Variants in TAFA5 observed in about 807,000 individuals in gnomAD.
The protein encoded by TAFA5 is chemokine-like protein TAFA-5.
A neutral mutation model predicts 15.3 loss-of-function variants in TAFA5; 6 were observed. The observed-to-expected ratio is 0.39, with a 90% CI of 0.21 to 0.77. The LOEUF is 0.77. Among genes scored for constraint, TAFA5 ranks in the 30% least tolerant of loss-of-function variants. The pLI, the probability that TAFA5 is intolerant of heterozygous loss-of-function variation, is 0.41. For synonymous variants in TAFA5, 103 were observed against 80.7 expected, an observed-to-expected ratio of 1.28 and a Z score of -1.48; for missense variants, 161 against 193.1, an observed-to-expected ratio of 0.83 and a Z score of 0.98.
rs554918708 is a variant in TAFA5, at chr22:48,640,534, G to A, written c.113-6063G>A. ...TCCCTTTTTGGCTTAGACACAGCCA[G>A]CTGGGTGGGCAGGGCAGGGCAGGGC... is the stretch of plus-strand genomic sequence containing the variant. On this transcript the variant is annotated intron_variant, in intron 1 of 3. Coordinates refer to ENST00000402357, the MANE Select transcript of TAFA5 (RefSeq NM_001082967.3). Among the ~76,000 whole-genome samples, 27 of 151,392 alleles carry A rather than the reference G, an allele frequency of 1.8e-4. 1 individual carries two copies. In the South Asian group the frequency reaches 3.3e-3, roughly 19 times the overall value.
intron 1 of TAFA5, among the ~76,000 whole-genome samples, chr22:48,606,711 G>T (rs959075319): frequency 6.6e-6 from 1 of 152,198 alleles, no homozygotes; most frequent in East Asian, 1.9e-4. Context: ...CTGGATTAGC[G>T]ATCGCTGCTT....
intron 1 of TAFA5, among the ~76,000 whole-genome samples, chr22:48,524,715 T>G (rs183151568): frequency 5.9e-4 from 90 of 152,216 alleles, no homozygotes; most frequent in Non-Finnish European, 1.0e-3. Context: ...AGCTTGTGGG[T>G]GAGACCCTGC....
intron 1 of TAFA5, among the ~76,000 whole-genome samples, chr22:48,494,929 G>A (rs1170891753): frequency 1.3e-5 from 2 of 152,202 alleles, no homozygotes; most frequent in East Asian, 1.9e-4. Flanking sequence ...GGCAGGAATC[G>A]GGTGTGGAAT....
intron 1 of TAFA5, among the ~76,000 whole-genome samples, chr22:48,610,865 G>C (rs1214315130): frequency 6.6e-6 from 1 of 152,130 alleles, no homozygotes; most frequent in Non-Finnish European, 1.5e-5. Context: ...TGGGACACGA[G>C]AGGCATCGGG....
intron 1 of TAFA5, among the ~76,000 whole-genome samples, chr22:48,515,562 G>T (rs559732628): frequency 2.4e-4 from 36 of 152,216 alleles, no homozygotes; most frequent in African/African-American, 8.4e-4. Context: ...CTGCTCGTCT[G>T]CTCTCCCTTG....
At chr22:48,646,792 GTCA>G in intron 2 of TAFA5, 46 bp downstream of exon 2, 1 of 1,522,526 alleles carries the variant, frequency 6.6e-7, no homozygotes, top group Non-Finnish European at 8.8e-7. Flanking sequence ...TGAGCGCGGC[GTCA>G]CCAAAGGTGC....
intron 1 of TAFA5, among the ~76,000 whole-genome samples, chr22:48,603,856 C>T (rs900562467): frequency 6.6e-6 from 1 of 152,062 alleles, no homozygotes; most frequent in Non-Finnish European, 1.5e-5. Context: ...GGCTGGAGGA[C>T]CCTGGCTCCC....
intron 1 of TAFA5, among the ~76,000 whole-genome samples, chr22:48,592,085 G>A (rs1465571184): frequency 1.3e-5 from 2 of 152,204 alleles, no homozygotes; most frequent in East Asian, 3.9e-4. Context: ...CGAGGCTGGT[G>A]GGGCCAGCCT....
intron 1 of TAFA5, among the ~76,000 whole-genome samples, chr22:48,632,288 G>A (rs1190692790): frequency 2.6e-5 from 4 of 152,250 alleles, no homozygotes; most frequent in South Asian, 2.1e-4. Flanking sequence ...GTCCAGAGAT[G>A]GACGGGTGTT....
chr22:48,576,742 G>A (rs1923823713), intron 1 of TAFA5, among the ~76,000 whole-genome samples: 1 of 151,336 alleles, frequency 6.6e-6, no homozygotes, highest in Non-Finnish European at 1.5e-5. Context: ...CCAGGAGCCC[G>A]ACCCCCCGCG....
Position 48,665,874 on chromosome 22 carries a change from G to A in TAFA5, c.262+19128G>A, listed in dbSNP as rs995572413. Among the ~76,000 whole-genome samples, 5 of 151,680 alleles carry A rather than the reference G, an allele frequency of 3.3e-5. No homozygotes were observed. The East Asian group carries it at 5.8e-4, about 18-fold the overall frequency. ...TCTCTGTTTTCCTTTTCCCTGGGCC[G>A]CCTGCTTGAACATCGCAGGGTGGGA... On this transcript the variant is annotated intron_variant, in intron 2 of 3. Coordinates refer to ENST00000402357, the MANE Select transcript of TAFA5 (RefSeq NM_001082967.3).
At chr22:48,673,642 G>C (rs1927872628) in intron 2 of TAFA5, among the ~76,000 whole-genome samples, 1 of 152,194 alleles carries the variant, frequency 6.6e-6, no homozygotes, top group Admixed American at 6.5e-5. Context: ...TGTGTGTAGG[G>C]CTTGGATGTC....
Position 48,749,951 on chromosome 22 carries a change from C to A in TAFA5, c.*104C>A, listed in dbSNP as rs867132009. The A allele has an allele frequency of 8.1e-6, 9 of 1,107,562 alleles. No individual in the cohort carries two copies. Among genetic ancestry groups the A allele is most frequent in the Admixed American group, 6.0e-5 (3 of 49,872 alleles). The allele number at this position is 1,107,562 out of a possible 1,614,324, so 68.6% of individuals were successfully genotyped here. A position where few individuals can be genotyped will look rare whatever the true frequency, so the allele number is the denominator to read the frequency against. ...GCCTCGGACTTCACCCGTTCTCTGCCGCCCGCCCACTCCGTTTCCCTGTGG... is the reference window on the plus strand; with the variant it reads ...GCCTCGGACTTCACCCGTTCTCTGCAGCCCGCCCACTCCGTTTCCCTGTGG... On this transcript the variant is annotated 3_prime_UTR_variant, in exon 4 of 4. Coordinates refer to ENST00000402357, the MANE Select transcript of TAFA5 (RefSeq NM_001082967.3).
intron 3 of TAFA5, among the ~76,000 whole-genome samples, chr22:48,718,347 G>A (rs1022698497): frequency 1.3e-5 from 2 of 152,160 alleles, no homozygotes; most frequent in Non-Finnish European, 2.9e-5. Context: ...GAGCCTCTGT[G>A]GGGGCAGCGG....
rs377764643 is a variant in TAFA5 at position 48,490,778 on chromosome 22, C to CAAA, written c.112+1088_112+1090dup. 5.5e-4 allele frequency among the ~76,000 whole-genome samples: 46 copies of CAAA among 83,502 alleles called. No individual in the cohort carries two copies. Among genetic ancestry groups the CAAA allele is most frequent in the African/African-American group, 1.5e-3 (33 of 21,412 alleles). 54.8% of individuals were successfully genotyped at this position (83,502 alleles called of 152,430 possible). ...GTGATGGAAAAATATGGATTCTTTA[C>CAAA]AAAAAAAAAAAAAAAAGGCCAGCAC... On this transcript the variant is annotated intron_variant, in intron 1 of 3. Transcript: ENST00000402357. The surrounding 1 kb of genome is among the most constrained non-coding windows in gnomAD (Gnocchi z 5.8).
intron 1 of TAFA5, among the ~76,000 whole-genome samples, chr22:48,564,276 A>G (rs1923337757): frequency 1.3e-5 from 2 of 152,252 alleles, no homozygotes; most frequent in African/African-American, 4.8e-5. Context: ...GGTTGCGCGG[A>G]TGGGAGGCCT....
At chr22:48,745,452 C>T (rs530920425) in intron 3 of TAFA5, among the ~76,000 whole-genome samples, 5 of 143,352 alleles carry the variant, frequency 3.5e-5, no homozygotes, top group Admixed American at 1.4e-4. Flanking sequence ...TCACCCTGAG[C>T]ATGGGCACAC....
At chr22:48,740,489 CA>C (rs1429986133) in intron 3 of TAFA5, among the ~76,000 whole-genome samples, 1 of 152,188 alleles carries the variant, frequency 6.6e-6, no homozygotes, top group Non-Finnish European at 1.5e-5. Context: ...GTGGGCTTAC[CA>C]GGGGGGCAGG....
intron 1 of TAFA5, among the ~76,000 whole-genome samples, chr22:48,492,604 G>T (rs964372079): frequency 1.3e-5 from 2 of 152,168 alleles, no homozygotes; most frequent in Non-Finnish European, 2.9e-5. Flanking sequence ...TAGGCTAGTT[G>T]CTATAGTGAC....
Sources: gnomAD v4.1 joint callset for allele counts (sites outside exome capture counted in the v4.1 genomes callset) on GRCh38, gnomAD v4.1.1 for gene constraint, Gnocchi (gnomAD v3.1) non-coding constraint, MANE v1.5 for transcripts, NCBI Gene and HGNC (gene_info 2026-07-23, HGNC 2026-07-21) for gene names.